The following SNX13 variants were observed in gnomAD, a reference collection of about 807,000 sequenced individuals.
SNX13 encodes the protein sorting nexin-13.
In SNX13, 45 loss-of-function variants were observed where a neutral mutation model predicts 133.6. The observed-to-expected ratio is 0.34, with a 90% CI of 0.27 to 0.43. The LOEUF (loss-of-function observed/expected upper bound fraction) is 0.43, where lower values mean the gene tolerates loss of function less well. SNX13 is among the 20% of genes least tolerant of loss of function. The pLI, the probability that SNX13 is intolerant of heterozygous loss-of-function variation, is 1.00. For synonymous variants in SNX13, 414 were observed against 373.9 expected (o/e 1.11, Z -1.24); for missense variants, 1,032 against 1,145.1 (o/e 0.90, Z 1.43).
At chr7:17,804,111 G>A (rs1784925736) in intron 20 of SNX13, among the ~76,000 whole-genome samples, 1 of 152,016 alleles carries the variant, frequency 6.6e-6, no homozygotes, top group Admixed American at 6.6e-5. Context: ...TTGAAAATCT[G>A]CCAGATGAGG....
Position 17,875,659 on chromosome 7 carries a change from A to C in SNX13, c.562+10T>G. Reference sequence around the variant, plus strand: ...CAAATCCTAGTTTTCAAATGGAATAAAGATATTACCTTTCACTTGATCATC... The same window carrying C: ...CAAATCCTAGTTTTCAAATGGAATACAGATATTACCTTTCACTTGATCATC... On this transcript the variant is annotated intron_variant, in intron 6 of 25. Coordinates refer to ENST00000428135, the MANE Select transcript of SNX13 (RefSeq NM_015132.5). 2 of 1,608,156 alleles carry C rather than the reference A, an allele frequency of 1.2e-6. No homozygotes were observed. The highest frequency in any genetic ancestry group is 8.5e-7 in the Non-Finnish European group (1 of 1,177,182).
At chr7:17,858,794 C>A (rs771969895) in intron 9 of SNX13, among the ~76,000 whole-genome samples, 1 of 151,886 alleles carries the variant, frequency 6.6e-6, no homozygotes. Flanking sequence ...AAAGAAGAGG[C>A]CAGAATCAGA....
At chr7:17,854,419 A>G (rs1791633208) in intron 9 of SNX13, among the ~76,000 whole-genome samples, 1 of 152,154 alleles carries the variant, frequency 6.6e-6, no homozygotes, top group Admixed American at 6.5e-5. Context: ...ATACAGGAAT[A>G]CCTTGTTTCA....
At chr7:17,850,469 T>C in intron 10 of SNX13, 34 bp from the exon 11 acceptor site, 2 of 1,292,180 alleles carry the variant, frequency 1.5e-6, no homozygotes, top group Non-Finnish European at 2.1e-6. Flanking sequence ...TAGAAAGTGG[T>C]AGTGTTATTT....
intron 1 of SNX13, among the ~76,000 whole-genome samples, chr7:17,904,217 TCA>T (rs1460114447): frequency 6.6e-6 from 1 of 152,226 alleles, no homozygotes; most frequent in African/African-American, 2.4e-5. Flanking sequence ...GAGTCAGAAA[TCA>T]CAGATTCCAG....
In SNX13 at chr7:17,934,630, T is replaced by A. The variant is rs558125897; in HGVS notation, c.12+5654A>T. Among the ~76,000 whole-genome samples, 19 of 152,252 alleles carry A rather than the reference T, an allele frequency of 1.2e-4. No individual in the cohort carries two copies. The South Asian group carries it at 3.9e-3, about 32-fold the overall frequency. On this transcript the variant is annotated intron_variant, in intron 1 of 25. Transcript: ENST00000428135. ...CCACTCCACAACTTGGGAGAAAGTGTAAACCATACATGTGATAAGTGGTTA... is the reference window on the plus strand; with the variant it reads ...CCACTCCACAACTTGGGAGAAAGTGAAAACCATACATGTGATAAGTGGTTA...
At chr7:17,837,859 GT>G (rs1789333105) in intron 13 of SNX13, among the ~76,000 whole-genome samples, 1 of 150,696 alleles carries the variant, frequency 6.6e-6, no homozygotes, top group South Asian at 2.1e-4. Flanking sequence ...TATTCAAGTA[GT>G]CTTATTTTAA....
chr7:17,877,046 A>G (rs200669646), intron 5 of SNX13, among the ~76,000 whole-genome samples: 24,716 of 103,066 alleles, frequency 0.24, 2,180 homozygotes, highest in East Asian at 0.47. Context: ...TTACTTTTTG[A>G]AAAAAAAAAA....
intron 9 of SNX13, among the ~76,000 whole-genome samples, chr7:17,852,161 G>A (rs953747512): frequency 6.6e-6 from 1 of 152,224 alleles, no homozygotes; most frequent in East Asian, 1.9e-4. Context: ...ATCACCTGAA[G>A]TCAGGAGTTC....
Position 17,791,717 on chromosome 7 carries a change from T to A in SNX13, c.*2328A>T, listed in dbSNP as rs1783560356. 2.0e-5 allele frequency: 3 copies of A among 152,108 alleles called. 1 individual carries two copies. The South Asian group carries it at 6.2e-4, about 31-fold the overall frequency. The allele number at this position is 152,108 out of a possible 1,614,324, so 9.4% of individuals were successfully genotyped here. The stretch of plus-strand genomic sequence containing the variant: ...ATATATGCAATAAATGCATTAAATG[T>A]AACTTTATTAAACATAGTACACTGT... On this transcript the variant is annotated 3_prime_UTR_variant, in exon 26 of 26. Coordinates refer to ENST00000428135, the MANE Select transcript of SNX13 (RefSeq NM_015132.5).
At chr7:17,802,694 T>TA (rs1476733650) in intron 21 of SNX13, among the ~76,000 whole-genome samples, 1 of 152,148 alleles carries the variant, frequency 6.6e-6, no homozygotes, top group Admixed American at 6.5e-5. Context: ...GAGTGGCCCT[T>TA]ACATTAAAGA....
At position 17,791,381 on chromosome 7, in the gene SNX13, T is replaced by C. The variant is rs951814569; in HGVS notation, c.*2664A>G. On this transcript the variant is annotated 3_prime_UTR_variant, in exon 26 of 26. Transcript: ENST00000428135. ...ACTGAAATATTCAAGAAAGTTTTTG[T>C]TTTTTTTTTTTTTAAAAAAATTAAG... is the stretch of plus-strand genomic sequence containing the variant. 8.3e-5 allele frequency: 12 copies of C among 144,580 alleles called. No homozygotes were observed. The highest frequency in any genetic ancestry group is 1.5e-4 in the Non-Finnish European group (10 of 64,654). 9.0% of individuals were successfully genotyped at this position (144,580 alleles called of 1,614,324 possible).
chr7:17,914,338 C>A (rs746814459), intron 1 of SNX13, among the ~76,000 whole-genome samples: 1 of 152,048 alleles, frequency 6.6e-6, no homozygotes, highest in Admixed American at 6.6e-5. Context: ...GAAAATTTCA[C>A]CAATCTGTCT....
rs143482096 is a variant in SNX13 at position 17,818,506 on chromosome 7, T to C, written c.1846-2217A>G. On this transcript the variant is annotated intron_variant, in intron 18 of 25. Transcript: ENST00000428135. Reference sequence around the variant, plus strand: ...AGGGAGAAAATGTGAAAATTTATACTCTATATTAACTCATCATAAACTTGC... The same window carrying C: ...AGGGAGAAAATGTGAAAATTTATACCCTATATTAACTCATCATAAACTTGC... Among the ~76,000 whole-genome samples, 66 of 152,268 alleles carry C rather than the reference T, an allele frequency of 4.3e-4. No homozygotes were observed. The East Asian group carries it at 0.01, about 23-fold the overall frequency.
chr7:17,867,629 TA>T (rs60392827), intron 9 of SNX13, among the ~76,000 whole-genome samples: 5,968 of 142,368 alleles, frequency 0.042, 379 homozygotes, highest in African/African-American at 0.14. Flanking sequence ...AAAAATAAAG[TA>T]AAAAAAAAAA....
At chr7:17,852,645 G>A (rs1169202130) in intron 9 of SNX13, among the ~76,000 whole-genome samples, 3 of 152,090 alleles carry the variant, frequency 2.0e-5, no homozygotes, top group Non-Finnish European at 4.4e-5. Flanking sequence ...TGCCTAAAAT[G>A]GAATGTAAGA....
At chr7:17,798,948 A>G (rs2128284387) in intron 23 of SNX13, 61 bp downstream of exon 23, 1 of 1,538,392 alleles carries the variant, frequency 6.5e-7, no homozygotes, top group Non-Finnish European at 8.8e-7. Context: ...ATCTACTTCC[A>G]GAAGTAAGAG....
chr7:17,830,607 T>C (rs1788381971), intron 15 of SNX13: 1 of 984,116 alleles, frequency 1.0e-6, no homozygotes. Context: ...TAAAACTGCA[T>C]ATGCAATTCC....
In SNX13 at chr7:17,816,910, T is replaced by C. The variant is rs368753004; in HGVS notation, c.1846-621A>G. Among the ~76,000 whole-genome samples the C allele has an allele frequency of 4.1e-4, 63 of 152,310 alleles. 1 individual carries two copies. The East Asian group carries it at 9.6e-3, about 23-fold the overall frequency. Reference sequence around the variant, plus strand: ...ATATTGACATTGTTCAAAAATTTCATAATAAAAGGTTTTAAAAAATATTTT... The same window carrying C: ...ATATTGACATTGTTCAAAAATTTCACAATAAAAGGTTTTAAAAAATATTTT... On this transcript the variant is annotated intron_variant, in intron 18 of 25. Transcript: ENST00000428135.
Sources: gnomAD v4.1 joint callset for allele counts (sites outside exome capture counted in the v4.1 genomes callset) on GRCh38, gnomAD v4.1.1 for gene constraint, MANE v1.5 for transcripts, NCBI Gene and HGNC (gene_info 2026-07-23, HGNC 2026-07-21) for gene names.